The following DGKH variants were observed in gnomAD, a reference collection of about 807,000 sequenced individuals.
DGKH encodes DAG kinase eta.
A neutral mutation model predicts 159.3 loss-of-function variants in DGKH; 90 were observed. That is an observed-to-expected ratio of 0.57 (90% CI 0.48 to 0.67). DGKH has a LOEUF of 0.67. Among genes scored for constraint, DGKH ranks in the 30% least tolerant of loss-of-function variants. The pLI is 0.00. For missense variants in DGKH, 1,181 were observed against 1,506.1 expected (o/e 0.78, Z 3.57); for synonymous variants, 536 against 553.8 (o/e 0.97, Z 0.45).
In DGKH at chr13:42,184,897, A is replaced by G. The variant is rs1178799659; in HGVS notation, c.1539-2152A>G. On this transcript the variant is annotated intron_variant, in intron 13 of 29. Coordinates refer to ENST00000337343, the MANE Select transcript of DGKH (RefSeq NM_178009.5). ...AATGTTTTTTTTTTTTTAAAAAAAA[A>G]GTTCTAACATTGATTAAAGATATAA... Among the ~76,000 whole-genome samples the G allele has an allele frequency of 4.0e-5, 6 of 148,258 alleles. No individual in the cohort carries two copies. In the South Asian group the frequency reaches 6.4e-4, roughly 16 times the overall value.
intron 3 of DGKH, among the ~76,000 whole-genome samples, chr13:42,141,889 C>A (rs1021217858): frequency 2.6e-5 from 4 of 151,614 alleles, no homozygotes; most frequent in East Asian, 1.9e-4. Context: ...TGCAGAAGCT[C>A]TTTAGTTTAA....
chr13:42,188,388 T>C (rs34556067), intron 14 of DGKH, among the ~76,000 whole-genome samples: 18,136 of 152,210 alleles, frequency 0.12, 1,536 homozygotes, highest in East Asian at 0.4. Flanking sequence ...GTATCCCTCT[T>C]CTTTTCCCTC....
intron 1 of DGKH, among the ~76,000 whole-genome samples, chr13:42,121,512 C>G (rs1944421520): frequency 6.6e-6 from 1 of 152,162 alleles, no homozygotes; most frequent in Non-Finnish European, 1.5e-5. Context: ...AATGGTGATA[C>G]AAAGACAAAT....
intron 16 of DGKH, 85 bp downstream of exon 16, chr13:42,190,610 A>AG: frequency 7.4e-7 from 1 of 1,354,092 alleles, no homozygotes; most frequent in Non-Finnish European, 9.9e-7. Context: ...CAGTTTGAAA[A>AG]AAACTATTTG....
At chr13:42,178,592 C>T (rs1160797192) in intron 13 of DGKH, among the ~76,000 whole-genome samples, 2 of 152,118 alleles carry the variant, frequency 1.3e-5, no homozygotes, top group Non-Finnish European at 2.9e-5. Flanking sequence ...GAACTGTTTA[C>T]ATCACATTAG....
At chr13:42,059,913 T>C (rs924147601) in intron 1 of DGKH, among the ~76,000 whole-genome samples, 9 of 150,974 alleles carry the variant, frequency 6.0e-5, no homozygotes, top group African/African-American at 1.9e-4. Context: ...TTCTTTTTTT[T>C]TTTTTTTATA....
intron 1 of DGKH, among the ~76,000 whole-genome samples, chr13:42,080,261 A>C (rs1954175219): frequency 6.6e-6 from 1 of 152,194 alleles, no homozygotes; most frequent in South Asian, 2.1e-4. Flanking sequence ...CAAATGTAAG[A>C]GTGTTACAGA....
chr13:42,201,528 T>A (rs138001521), intron 20 of DGKH, among the ~76,000 whole-genome samples: 159 of 152,300 alleles, frequency 1.0e-3, no homozygotes, highest in African/African-American at 3.6e-3. Flanking sequence ...GAAATAGGAT[T>A]AGTAACCTCT....
intron 3 of DGKH, among the ~76,000 whole-genome samples, chr13:42,130,399 A>G (rs899531025): frequency 3.3e-5 from 5 of 152,198 alleles, no homozygotes; most frequent in African/African-American, 4.8e-5. Context: ...CAAAGTATGG[A>G]TTGAGTTCCC....
In DGKH at chr13:42,105,504, A is replaced by T. The variant is rs115826815; in HGVS notation, c.193-21959A>T. 2.0e-3 allele frequency among the ~76,000 whole-genome samples: 310 copies of T among 152,304 alleles called. 1 individual carries two copies. The highest frequency in any genetic ancestry group is 7.2e-3 in the African/African-American group (300 of 41,570). ...AATTGTATGTTTGATTTTTTTTAAA[A>T]GGCATCCTTTTGGAGATGAGTAGTG... is the stretch of plus-strand genomic sequence containing the variant. On this transcript the variant is annotated intron_variant, in intron 1 of 29. Coordinates refer to ENST00000337343, the MANE Select transcript of DGKH (RefSeq NM_178009.5).
intron 7 of DGKH, among the ~76,000 whole-genome samples, chr13:42,164,765 A>G (rs1956271780): frequency 6.6e-6 from 1 of 152,204 alleles, no homozygotes; most frequent in South Asian, 2.1e-4. Context: ...ACAGGGCAGC[A>G]GTCCAGCTGA....
chr13:42,175,608 A>G (rs1379633669), intron 12 of DGKH, among the ~76,000 whole-genome samples: 1 of 152,212 alleles, frequency 6.6e-6, no homozygotes, highest in Non-Finnish European at 1.5e-5. Flanking sequence ...GTGTATAATC[A>G]CTAAATATGA....
At position 42,147,006 on chromosome 13, in the gene DGKH, A is replaced by G. The variant is rs77892294; in HGVS notation, c.385-8285A>G. ...CACCTTAGACACTGTCAGGATGTTC[A>G]GGGAAACCAGGATAAGGACATAGAT... On this transcript the variant is annotated intron_variant, in intron 3 of 29. Transcript: ENST00000337343. 3.6e-3 allele frequency among the ~76,000 whole-genome samples: 541 copies of G among 152,316 alleles called. 8 individuals are homozygous for G. The East Asian group carries it at 0.047, about 13-fold the overall frequency.
intron 1 of DGKH, among the ~76,000 whole-genome samples, chr13:42,121,588 A>G (rs147982225): frequency 2.0e-5 from 3 of 152,336 alleles, no homozygotes; most frequent in East Asian, 3.9e-4. Flanking sequence ...GGTAAAACCT[A>G]TCCTCAGTTG....
chr13:42,048,976 G>T lies in DGKH; in HGVS notation c.192+11G>T, dbSNP rs1389886397. ...CAGATCCGGACCAAGGTAGGGCGGA[G>T]GAGGCGGGCCTGAGGGCCGCGTGGA... On this transcript the variant is annotated intron_variant, in intron 1 of 29. Coordinates refer to ENST00000337343, the MANE Select transcript of DGKH (RefSeq NM_178009.5). This position sits in a 1 kb window ranked among gnomAD's most constrained non-coding sequence, Gnocchi z 6.7. 3 of 1,280,658 alleles carry T rather than the reference G, an allele frequency of 2.3e-6. No individual in the cohort carries two copies. Among genetic ancestry groups the T allele is most frequent in the Non-Finnish European group, 3.0e-6 (3 of 1,005,804 alleles). 79.3% of individuals were successfully genotyped at this position (1,280,658 alleles called of 1,614,324 possible).
At chr13:42,141,892 T>G (rs1327755800) in intron 3 of DGKH, among the ~76,000 whole-genome samples, 4 of 151,818 alleles carry the variant, frequency 2.6e-5, no homozygotes, top group African/African-American at 7.3e-5. Flanking sequence ...AGAAGCTCTT[T>G]AGTTTAATTA....
chr13:42,154,411 G>A (rs1955989180), intron 3 of DGKH, among the ~76,000 whole-genome samples: 1 of 152,154 alleles, frequency 6.6e-6, no homozygotes, highest in African/African-American at 2.4e-5. Flanking sequence ...CAAATAAATA[G>A]GGGCTTCTTT....
chr13:42,156,441 A>C, intron 5 of DGKH, among the ~76,000 whole-genome samples: 1 of 151,858 alleles, frequency 6.6e-6, no homozygotes, highest in Non-Finnish European at 1.5e-5. Context: ...AAGTCTCACT[A>C]TGTTGCCCAG....
rs141328761 is a variant in DGKH, at chr13:42,112,116, G to A, written c.193-15347G>A. 5.3e-4 allele frequency among the ~76,000 whole-genome samples: 80 copies of A among 152,234 alleles called. 1 individual carries two copies. The East Asian group carries it at 0.012, about 22-fold the overall frequency. ...ATCAGAACATGTGTGTGTTTTATAT[G>A]TAAAAGTAAACGATTACTTCTAGTG... On this transcript the variant is annotated intron_variant, in intron 1 of 29. Transcript: ENST00000337343.
Sources: gnomAD v4.1 joint callset for allele counts (sites outside exome capture counted in the v4.1 genomes callset) on GRCh38, gnomAD v4.1.1 for gene constraint, Gnocchi (gnomAD v3.1) non-coding constraint, MANE v1.5 for transcripts, NCBI Gene and HGNC (gene_info 2026-07-23, HGNC 2026-07-21) for gene names.